The following CSGALNACT1 variants were observed in gnomAD, a reference collection of about 807,000 sequenced individuals.
The protein encoded by CSGALNACT1 is chondroitin sulfate N-acetylgalactosaminyltransferase 1.
CSGALNACT1 carries 52 observed loss-of-function variants against 51.0 expected under a neutral mutation model. That is an observed-to-expected ratio of 1.02 (90% CI 0.82 to 1.29). The LOEUF (loss-of-function observed/expected upper bound fraction) is 1.29, where lower values mean the gene tolerates loss of function less well. Among genes scored for constraint, CSGALNACT1 ranks in the 50% most tolerant of loss-of-function variants. The pLI is 0.00. For synonymous variants in CSGALNACT1, 341 were observed against 254.4 expected, an observed-to-expected ratio of 1.34 and a Z score of -3.24; for missense variants, 935 against 679.2, an observed-to-expected ratio of 1.38 and a Z score of -4.19.
At chr8:19,529,448 G>C (rs2082317433) in intron 3 of CSGALNACT1, among the ~76,000 whole-genome samples, 2 of 152,124 alleles carry the variant, frequency 1.3e-5, no homozygotes, top group African/African-American at 4.8e-5. Context: ...AAACAAGTAG[G>C]AGCTAAATCA....
chr8:19,585,620 T>G (rs748044955), intron 3 of CSGALNACT1, among the ~76,000 whole-genome samples: 1 of 152,164 alleles, frequency 6.6e-6, no homozygotes, highest in African/African-American at 2.4e-5. Context: ...TGATTGGTAA[T>G]TGTAAAAACC....
At chr8:19,710,687 CT>C (rs1244579496) in intron 1 of CSGALNACT1, among the ~76,000 whole-genome samples, 1 of 152,146 alleles carries the variant, frequency 6.6e-6, no homozygotes, top group African/African-American at 2.4e-5. Context: ...GGTAAAAATC[CT>C]TCCTTTAACA....
intron 3 of CSGALNACT1, among the ~76,000 whole-genome samples, chr8:19,555,168 G>A (rs1390552583): frequency 6.6e-6 from 1 of 151,878 alleles, no homozygotes; most frequent in Non-Finnish European, 1.5e-5. Flanking sequence ...GAACCCAGGA[G>A]GCAGAGTTTG....
At chr8:19,489,747 A>G (rs556327742) in intron 4 of CSGALNACT1, among the ~76,000 whole-genome samples, 1 of 152,308 alleles carries the variant, frequency 6.6e-6, no homozygotes, top group South Asian at 2.1e-4. Flanking sequence ...TCACGATGAC[A>G]TCTTTCCTTA....
At chr8:19,557,401 G>A (rs2039704521) in intron 3 of CSGALNACT1, among the ~76,000 whole-genome samples, 1 of 152,122 alleles carries the variant, frequency 6.6e-6, no homozygotes, top group Non-Finnish European at 1.5e-5. Context: ...TCCAGCTCCA[G>A]ACTCTCCAAC....
upstream of CSGALNACT1, among the ~76,000 whole-genome samples, chr8:19,685,776 G>A (rs1022898370): frequency 3.5e-4 from 53 of 152,140 alleles, no homozygotes; most frequent in Non-Finnish European, 1.3e-4. Flanking sequence ...TCAAGGAAGC[G>A]CATTTTGCCA....
chr8:19,566,075 A>G (rs376907626), intron 3 of CSGALNACT1, among the ~76,000 whole-genome samples: 22 of 152,306 alleles, frequency 1.4e-4, no homozygotes, highest in African/African-American at 5.3e-4. Context: ...AATCCATAAA[A>G]CCTTTTGTCT....
At chr8:19,650,167 AT>A (rs1213577026) in intron 1 of CSGALNACT1, among the ~76,000 whole-genome samples, 3 of 152,204 alleles carry the variant, frequency 2.0e-5, no homozygotes, top group Non-Finnish European at 4.4e-5. Flanking sequence ...GAGAGATGAC[AT>A]TTTGAGTAGC....
At chr8:19,735,143 A>G (rs1455960336) in intron 1 of CSGALNACT1, among the ~76,000 whole-genome samples, 1 of 152,146 alleles carries the variant, frequency 6.6e-6, no homozygotes. Context: ...AATTAGAAAA[A>G]TATGATTCAA....
At chr8:19,689,838 T>TA (rs1210812634) in intron 1 of CSGALNACT1, among the ~76,000 whole-genome samples, 6 of 152,218 alleles carry the variant, frequency 3.9e-5, no homozygotes, top group African/African-American at 1.4e-4. Context: ...CTTGAACCCT[T>TA]ACAAGGAAAG....
At chr8:19,504,262 G>C (rs1195839500) in intron 4 of CSGALNACT1, among the ~76,000 whole-genome samples, 1 of 152,088 alleles carries the variant, frequency 6.6e-6, no homozygotes, top group Non-Finnish European at 1.5e-5. Flanking sequence ...ATTTTTAGTA[G>C]AGATGGGGTT....
chr8:19,548,539 A>G (rs894194237), intron 3 of CSGALNACT1, among the ~76,000 whole-genome samples: 3 of 152,170 alleles, frequency 2.0e-5, no homozygotes, highest in African/African-American at 7.2e-5. Flanking sequence ...CCAAAAACTC[A>G]CTGCTGTTAG....
At chr8:19,641,477 C>T (rs1449292067) in intron 1 of CSGALNACT1, among the ~76,000 whole-genome samples, 1 of 152,122 alleles carries the variant, frequency 6.6e-6, no homozygotes, top group East Asian at 1.9e-4. Flanking sequence ...ATCTGGACAG[C>T]TGCAACCATA....
intron 3 of CSGALNACT1, among the ~76,000 whole-genome samples, chr8:19,545,801 A>C (rs1437641683): frequency 6.7e-6 from 1 of 148,500 alleles, no homozygotes; most frequent in Non-Finnish European, 1.5e-5. Flanking sequence ...CACATTATAT[A>C]TCTATATATA....
chr8:19,665,572 A>G (rs949424879), intron 1 of CSGALNACT1, among the ~76,000 whole-genome samples: 13 of 152,164 alleles, frequency 8.5e-5, no homozygotes, highest in Admixed American at 7.9e-4. Flanking sequence ...CCTTTTCCCA[A>G]CATCAGGCCC....
At position 19,650,598 on chromosome 8, in the gene CSGALNACT1, C is replaced by T. The variant is rs1411508288; in HGVS notation, c.-544+31875G>A. Among the ~76,000 whole-genome samples, 4 of 152,138 alleles carry T rather than the reference C, an allele frequency of 2.6e-5. No homozygotes were observed. In the East Asian group the frequency reaches 5.8e-4, roughly 22 times the overall value. On this transcript the variant is annotated intron_variant, in intron 1 of 9. Transcript: ENST00000332246. ...GACGGGGTCAACGTGGTCCTGGTTC[C>T]CAAGACCATCAGGTGTGGAGACAGC...
intron 1 of CSGALNACT1, among the ~76,000 whole-genome samples, chr8:19,661,563 G>C (rs2154190874): frequency 6.6e-6 from 1 of 152,236 alleles, no homozygotes; most frequent in South Asian, 2.1e-4. Context: ...TACTATTCCC[G>C]CTATGTGGAG....
intron 3 of CSGALNACT1, among the ~76,000 whole-genome samples, chr8:19,580,010 A>G (rs1335088014): frequency 1.3e-5 from 2 of 152,240 alleles, no homozygotes; most frequent in East Asian, 3.9e-4. Flanking sequence ...AAGGCACACA[A>G]AACTTGAGGG....
chr8:19,723,800 T>A (rs1412667508), intron 1 of CSGALNACT1, among the ~76,000 whole-genome samples: 1 of 152,228 alleles, frequency 6.6e-6, no homozygotes, highest in East Asian at 1.9e-4. Context: ...GTGGCTATAT[T>A]ACAATCTGTA....
Sources: gnomAD v4.1 joint callset for allele counts (sites outside exome capture counted in the v4.1 genomes callset) on GRCh38, gnomAD v4.1.1 for gene constraint, MANE v1.5 for transcripts, NCBI Gene and HGNC (gene_info 2026-07-23, HGNC 2026-07-21) for gene names.